The following PSD3 variants were observed in gnomAD, a reference collection of about 807,000 sequenced individuals.
PSD3 encodes the protein PH and SEC7 domain-containing protein 3.
PSD3 carries 49 observed loss-of-function variants against 105.5 expected under a neutral mutation model. The observed-to-expected ratio is 0.46, with a 90% CI of 0.37 to 0.59. The LOEUF (loss-of-function observed/expected upper bound fraction) is 0.59, where lower values mean the gene tolerates loss of function less well. Among genes scored for constraint, PSD3 ranks in the 20% least tolerant of loss-of-function variants. PSD3 has a pLI of 0.00. For missense variants in PSD3, 1,561 were observed against 1,263.8 expected (o/e 1.24, Z -3.57); for synonymous variants, 557 against 457.8 (o/e 1.22, Z -2.77).
intron 2 of PSD3, among the ~76,000 whole-genome samples, chr8:18,922,044 A>G (rs1425210865): frequency 1.3e-5 from 2 of 152,230 alleles, no homozygotes; most frequent in African/African-American, 2.4e-5. Flanking sequence ...AAATGCCAGT[A>G]TGTCACTTCT....
intron 2 of PSD3, among the ~76,000 whole-genome samples, chr8:18,885,107 T>C (rs1448949213): frequency 6.6e-6 from 1 of 152,198 alleles, no homozygotes; most frequent in Non-Finnish European, 1.5e-5. Flanking sequence ...CTCTTTGTCA[T>C]AACTTCTGGT....
intron 11 of PSD3, among the ~76,000 whole-genome samples, chr8:18,609,879 G>C (rs888108094): frequency 2.0e-5 from 3 of 152,310 alleles, no homozygotes; most frequent in Non-Finnish European, 2.9e-5. Context: ...GGCACTTTTA[G>C]ATTACTGCTT....
At chr8:18,784,958 G>C (rs1808991533) in intron 8 of PSD3, among the ~76,000 whole-genome samples, 1 of 152,104 alleles carries the variant, frequency 6.6e-6, no homozygotes, top group Admixed American at 6.5e-5. Context: ...CGGAAGGAGG[G>C]GAGGCTGAAA....
rs959457618 is a variant in PSD3, at chr8:19,071,053, C to CT, written c.324+13152dup. ...TTTTTTTCAGCTCTCCTCTCTCTTT[C>CT]TTTTTTTTTTGGAAGGGGGTAGGGG... On this transcript the variant is annotated intron_variant, in intron 1 of 1. Transcript: ENST00000521475. Among the ~76,000 whole-genome samples the CT allele has an allele frequency of 1.6e-3, 233 of 147,342 alleles. 1 individual carries two copies. The highest frequency in any genetic ancestry group is 2.4e-3 in the Admixed American group (35 of 14,730).
intron 9 of PSD3, 138 bp downstream of exon 9, chr8:18,765,311 G>T: frequency 1.4e-6 from 1 of 707,086 alleles, no homozygotes; most frequent in Non-Finnish European, 2.4e-6. Flanking sequence ...TCAAGGACAA[G>T]GCTTAAAAGA....
intron 4 of PSD3, among the ~76,000 whole-genome samples, chr8:18,809,163 C>T (rs747824141): frequency 3.3e-5 from 5 of 152,120 alleles, no homozygotes; most frequent in African/African-American, 1.2e-4. Flanking sequence ...GCATTAGATG[C>T]GTTCTGTAGT....
intron 9 of PSD3, among the ~76,000 whole-genome samples, chr8:18,665,115 C>T (rs998571213): frequency 2.6e-5 from 4 of 152,224 alleles, no homozygotes; most frequent in East Asian, 3.8e-4. Flanking sequence ...GTGATTTCTA[C>T]TGCCAAGTCT....
chr8:19,043,359 C>A (rs1019092477), intron 1 of PSD3, among the ~76,000 whole-genome samples: 2 of 152,188 alleles, frequency 1.3e-5, no homozygotes, highest in Admixed American at 1.3e-4. Flanking sequence ...ACAACTCTCT[C>A]GTCTGTTAGT....
intron 9 of PSD3, among the ~76,000 whole-genome samples, chr8:18,662,758 G>A (rs905104453): frequency 9.8e-5 from 15 of 152,300 alleles, no homozygotes; most frequent in Admixed American, 8.5e-4. Context: ...TTTAGTCTCT[G>A]CTCCCTTTTC....
chr8:18,645,350 C>G (rs150889776), intron 10 of PSD3, among the ~76,000 whole-genome samples: 1 of 152,154 alleles, frequency 6.6e-6, no homozygotes, highest in Non-Finnish European at 1.5e-5. Context: ...AAATACTTTA[C>G]TGTAGAAAAC....
chr8:18,952,619 C>T (rs551754518), intron 1 of PSD3, among the ~76,000 whole-genome samples: 1 of 152,276 alleles, frequency 6.6e-6, no homozygotes, highest in East Asian at 1.9e-4. Flanking sequence ...ATTAAATATA[C>T]AAATTATAGG....
chr8:18,991,834 A>G (rs1172238874), intron 1 of PSD3, among the ~76,000 whole-genome samples: 1 of 152,182 alleles, frequency 6.6e-6, no homozygotes, highest in Admixed American at 6.5e-5. Flanking sequence ...TTATCAAAAT[A>G]ATGGCTGTGC....
At chr8:18,897,480 T>TC (rs1819225237) in intron 2 of PSD3, among the ~76,000 whole-genome samples, 1 of 152,208 alleles carries the variant, frequency 6.6e-6, no homozygotes, top group South Asian at 2.1e-4. Flanking sequence ...GCTTTGGCTA[T>TC]CCAGGGTATT....
chr8:18,635,083 A>T (rs979351174), intron 10 of PSD3, among the ~76,000 whole-genome samples: 2 of 152,150 alleles, frequency 1.3e-5, no homozygotes, highest in Non-Finnish European at 2.9e-5. Flanking sequence ...ATCAAATACT[A>T]TTGTTATTTA....
intron 9 of PSD3, among the ~76,000 whole-genome samples, chr8:18,669,873 T>A (rs1409227122): frequency 6.6e-6 from 1 of 152,196 alleles, no homozygotes; most frequent in East Asian, 1.9e-4. Flanking sequence ...GTAACACTTA[T>A]AATAGTAAAA....
Position 18,871,139 on chromosome 8 carries a change from G to A in PSD3, c.1238+487C>T, listed in dbSNP as rs147554384. 1.1e-3 allele frequency among the ~76,000 whole-genome samples: 172 copies of A among 152,222 alleles called. 1 individual carries two copies. Among genetic ancestry groups the A allele is most frequent in the African/African-American group, 3.7e-3 (154 of 41,530 alleles). On this transcript the variant is annotated intron_variant, in intron 3 of 15. Transcript: ENST00000327040. ...ACAAACAAACATAGGAAATTGAGTG[G>A]GCCAAGAACCTCTGTGTTCATACAT...
chr8:18,911,109 C>G (rs888270932), intron 2 of PSD3, among the ~76,000 whole-genome samples: 1 of 151,968 alleles, frequency 6.6e-6, no homozygotes, highest in African/African-American at 2.4e-5. Context: ...CCATGTCAAT[C>G]AATCAGTCAA....
chr8:18,620,100 T>C (rs1805993288), intron 11 of PSD3, among the ~76,000 whole-genome samples: 1 of 152,144 alleles, frequency 6.6e-6, no homozygotes, highest in South Asian at 2.1e-4. Flanking sequence ...AGCATTCCTG[T>C]CTACTCTTCA....
chr8:18,929,125 T>C (rs1286308928), intron 2 of PSD3, among the ~76,000 whole-genome samples: 4 of 152,194 alleles, frequency 2.6e-5, no homozygotes, highest in Non-Finnish European at 5.9e-5. Flanking sequence ...TCAATAAAGT[T>C]ATTTTTTAAA....
Sources: gnomAD v4.1 joint callset for allele counts (sites outside exome capture counted in the v4.1 genomes callset) on GRCh38, gnomAD v4.1.1 for gene constraint, MANE v1.5 for transcripts, NCBI Gene and HGNC (gene_info 2026-07-23, HGNC 2026-07-21) for gene names.